Variants in RAB11FIP3 observed in about 807,000 individuals in gnomAD.
The protein encoded by RAB11FIP3 is rab11 family-interacting protein 3.
RAB11FIP3 carries 17 observed loss-of-function variants against 77.8 expected under a neutral mutation model. The observed-to-expected ratio is 0.22, with a 90% CI of 0.15 to 0.33. The LOEUF is 0.33. RAB11FIP3 is among the 10% of genes least tolerant of loss of function. RAB11FIP3 has a pLI of 1.00. For synonymous variants in RAB11FIP3, 437 were observed against 448.2 expected, an observed-to-expected ratio of 0.98 and a Z score of 0.31; for missense variants, 1,005 against 1,011.2, an observed-to-expected ratio of 0.99 and a Z score of 0.08.
intron 1 of RAB11FIP3, among the ~76,000 whole-genome samples, chr16:450,567 C>G (rs1217786254): frequency 6.6e-6 from 1 of 152,148 alleles, no homozygotes; most frequent in African/African-American, 2.4e-5. Context: ...GAGGGTGTCC[C>G]CATGGGGGCT....
chr16:482,528 A>T lies in RAB11FIP3; in HGVS notation c.907A>T (p.Asn303Tyr). The change falls in exon 4 of 14, where the codon AAC (asparagine) becomes TAC (tyrosine). Residue 303 changes from asparagine (N) to tyrosine (Y), a missense_variant. Asn to Tyr is a moderately radical substitution (Grantham distance 143, BLOSUM62 -2). This residue lies in a region of RAB11FIP3 where 466 missense variants were observed against 408.3 expected (regional missense o/e 1.14). Transcript: ENST00000262305. ...CTGCTGGCGCACTCTCTCCTAGGCC[A>T]ACGAGGTGACGGACAGCGCGTACAT... ...EFDDFVTYEANEVTDSAYMGS... is the reference protein window; with the variant it reads ...EFDDFVTYEAYEVTDSAYMGS... 1 of 1,613,444 alleles carries T rather than the reference A, an allele frequency of 6.2e-7. No homozygotes were observed. The highest frequency in any genetic ancestry group is 1.1e-5 in the South Asian group (1 of 91,074).
Position 510,712 on chromosome 16 carries a change from A to G in RAB11FIP3, c.1552A>G (p.Met518Val). The G allele has an allele frequency of 6.2e-7, 1 of 1,612,992 alleles. No individual in the cohort carries two copies. The highest frequency in any genetic ancestry group is 8.5e-7 in the Non-Finnish European group (1 of 1,179,768). Residue 518 changes from methionine (M) to valine (V), a missense_variant, in exon 9 of 14, where the codon ATG becomes GTG. Coordinates refer to ENST00000262305, the MANE Select transcript of RAB11FIP3 (RefSeq NM_014700.4). ...LKEQELRACE[M>V]VLEETRRQKE... ...GGAGCAGGAGCTGAGAGCCTGCGAG[A>G]TGGTCCTGGAAGAGACCCGGCGTCA...
rs2032623275 is a variant in RAB11FIP3, at chr16:520,291, G to C, written c.2016+14G>C. On this transcript the variant is annotated intron_variant, in intron 12 of 13. Coordinates refer to ENST00000262305, the MANE Select transcript of RAB11FIP3 (RefSeq NM_014700.4). ...AGGCTGAAGCAGGTGGGCAGGCCTG[G>C]GCCTCCCTCCCTCACACTCCTGCAG... 1.3e-6 allele frequency: 2 copies of C among 1,546,116 alleles called. No individual in the cohort carries two copies. Among genetic ancestry groups the C allele is most frequent in the African/African-American group, 1.4e-5 (1 of 73,590 alleles).
rs1168069601 is a variant in RAB11FIP3 at position 505,185 on chromosome 16, C to A, written c.1396-339C>A. On this transcript the variant is annotated intron_variant, in intron 7 of 13. Coordinates refer to ENST00000262305, the MANE Select transcript of RAB11FIP3 (RefSeq NM_014700.4). The surrounding 1 kb of genome is among the most constrained non-coding windows in gnomAD (Gnocchi z 4.0). ...TGGGCACCTGGGCTGCCTCTGTGAG[C>A]TGCATCTGGCTGAGCAGAGACCCAA... Among the ~76,000 whole-genome samples the A allele has an allele frequency of 2.0e-5, 3 of 151,860 alleles. No individual in the cohort carries two copies. The highest frequency in any genetic ancestry group is 6.6e-5 in the Admixed American group (1 of 15,242).
At chr16:427,191 C>A (rs951150815) in intron 1 of RAB11FIP3, among the ~76,000 whole-genome samples, 3 of 152,238 alleles carry the variant, frequency 2.0e-5, no homozygotes, top group Admixed American at 6.5e-5. Context: ...CTGATAGACA[C>A]CTATTTTGAG....
intron 1 of RAB11FIP3, among the ~76,000 whole-genome samples, chr16:440,642 T>C (rs2055209720): frequency 6.6e-6 from 1 of 152,258 alleles, no homozygotes; most frequent in South Asian, 2.1e-4. Context: ...AGGTCAGTGA[T>C]GCATCTTCCT....
intron 8 of RAB11FIP3, among the ~76,000 whole-genome samples, chr16:508,300 A>G (rs576287729): frequency 6.6e-6 from 1 of 152,252 alleles, no homozygotes; most frequent in African/African-American, 2.4e-5. Flanking sequence ...TTCCCACCCT[A>G]CATACTTGGA....
intron 1 of RAB11FIP3, among the ~76,000 whole-genome samples, chr16:429,683 A>G (rs990913105): frequency 6.6e-6 from 1 of 151,968 alleles, no homozygotes; most frequent in African/African-American, 2.4e-5. Flanking sequence ...TATTTTTAGT[A>G]GAGACGGTTT....
chr16:490,036 C>G (rs1489215293), intron 5 of RAB11FIP3, among the ~76,000 whole-genome samples: 1 of 152,232 alleles, frequency 6.6e-6, no homozygotes, highest in Non-Finnish European at 1.5e-5. Context: ...TGGGGCGTTT[C>G]TAAACTTGGG....
At chr16:456,959 G>T (rs190915238) in intron 1 of RAB11FIP3, among the ~76,000 whole-genome samples, 57 of 151,922 alleles carry the variant, frequency 3.8e-4, no homozygotes, top group African/African-American at 1.3e-3. Context: ...TTCCAGAGCC[G>T]CCTCTCTCCC....
intron 9 of RAB11FIP3, 83 bp from the exon 10 acceptor site, chr16:518,860 G>C: frequency 6.9e-7 from 1 of 1,459,794 alleles, no homozygotes; most frequent in Non-Finnish European, 9.6e-7. Context: ...GGCCCCAGCA[G>C]GGTTTCCCTG....
In RAB11FIP3 at chr16:426,692, A is replaced by G. The variant is rs893258981; in HGVS notation, c.686A>G (p.Gln229Arg). 1 of 1,530,828 alleles carries G rather than the reference A, an allele frequency of 6.5e-7. No individual in the cohort carries two copies. Among genetic ancestry groups the G allele is most frequent in the African/African-American group, 1.4e-5 (1 of 71,212 alleles). The allele number at this position is 1,530,828 out of a possible 1,614,324, so 94.8% of individuals were successfully genotyped here. ...DGFVRIEDFI[Q>R]FATVYGAEQV... ...TTCGTCCGCATCGAGGACTTCATCCAGTTTGCTACGGTCTACGGGGCAGAG... is the reference window on the plus strand; with the variant it reads ...TTCGTCCGCATCGAGGACTTCATCCGGTTTGCTACGGTCTACGGGGCAGAG... Residue 229 changes from glutamine to arginine, a missense_variant, in exon 1 of 14, where the codon CAG (glutamine) becomes CGG (arginine). Around this residue, in one of 4 missense-constraint regions of RAB11FIP3, gnomAD observed 466 missense variants for 408.3 expected, o/e 1.14. Transcript: ENST00000262305. This position sits in a 1 kb window ranked among gnomAD's most constrained non-coding sequence, Gnocchi z 5.0.
At chr16:476,636 G>C (rs531794768) in intron 3 of RAB11FIP3, among the ~76,000 whole-genome samples, 1 of 152,158 alleles carries the variant, frequency 6.6e-6, no homozygotes, top group Admixed American at 6.6e-5. Context: ...CCAAGGTCAG[G>C]TGCGGTGGCT....
At chr16:483,129 C>T (rs751812821) in intron 4 of RAB11FIP3, among the ~76,000 whole-genome samples, 6 of 152,108 alleles carry the variant, frequency 3.9e-5, no homozygotes, top group Non-Finnish European at 7.4e-5. Context: ...CTGTAGCCCC[C>T]GTATTTCGAG....
intron 3 of RAB11FIP3, among the ~76,000 whole-genome samples, chr16:479,494 C>A (rs1225767223): frequency 2.6e-5 from 4 of 152,034 alleles, no homozygotes; most frequent in African/African-American, 9.7e-5. Flanking sequence ...GAGTGGATGA[C>A]CAGCCTGGGC....
At chr16:511,099 A>G (rs1337139248) in intron 9 of RAB11FIP3, among the ~76,000 whole-genome samples, 39 of 75,706 alleles carry the variant, frequency 5.2e-4, no homozygotes, top group Admixed American at 6.5e-4. Flanking sequence ...AGGTAGGAGA[A>G]GTTCCCCGAC....
rs1191304879 is a variant in RAB11FIP3, at chr16:462,659, AGCACCGTCCCTTCCCCG to A, written c.808+1179_808+1195del. On this transcript the variant is annotated intron_variant, in intron 2 of 13. Transcript: ENST00000262305. ...CCTTCCCCAGCACCATCCCTTCCGC[AGCACCGTCCCTTCCCCG>A]GCACCGTCCCTTCCCCAGTCCCCCG... Among the ~76,000 whole-genome samples the A allele has an allele frequency of 2.9e-3, 427 of 145,014 alleles. 3 individuals carry two copies. The highest frequency in any genetic ancestry group is 0.01 in the African/African-American group (383 of 37,016).
chr16:510,600 G>A, intron 8 of RAB11FIP3, 60 bp from the exon 9 acceptor site: 2 of 1,510,964 alleles, frequency 1.3e-6, no homozygotes, highest in Non-Finnish European at 1.8e-6. Context: ...TTCTGGGCAT[G>A]GGTGGAGCCA....
intron 1 of RAB11FIP3, among the ~76,000 whole-genome samples, chr16:450,364 A>G (rs2055387044): frequency 6.6e-6 from 1 of 151,918 alleles, no homozygotes; most frequent in Non-Finnish European, 1.5e-5. Context: ...TTTGGTAGAT[A>G]TTTTTGTATT....
Sources: allele counts gnomAD v4.1 joint callset (sites outside exome capture counted in the v4.1 genomes callset), GRCh38; gene constraint gnomAD v4.1.1; regional missense constraint gnomAD v4.1.1; non-coding constraint Gnocchi (gnomAD v3.1); transcripts MANE v1.5; gene names NCBI Gene and HGNC (gene_info 2026-07-23, HGNC 2026-07-21).